The following SAE1 variants were observed in gnomAD, a reference collection of about 807,000 sequenced individuals.
The protein encoded by SAE1 is SUMO1 activating enzyme subunit 1, also known as SUMO-activating enzyme subunit 1.
Under a neutral mutation model 40.6 loss-of-function variants are expected in SAE1, and 11 were observed. The observed-to-expected ratio is 0.27, with a 90% CI of 0.17 to 0.45. SAE1 has a LOEUF of 0.45. Ranked by LOEUF, SAE1 falls within the 20% of genes least tolerant of loss-of-function variation. The probability of loss-of-function intolerance (pLI) is 1.00; values close to 1 mark genes in which losing one functional copy is unlikely to be tolerated. For missense variants in SAE1, 373 were observed against 427.3 expected (o/e 0.87, Z 1.12); for synonymous variants, 155 against 154.3 (o/e 1.00, Z -0.03).
rs2058243284 is a variant in SAE1 at position 47,144,596 on chromosome 19, G to A, written c.210+991G>A. Among the ~76,000 whole-genome samples the A allele has an allele frequency of 2.6e-5, 4 of 151,954 alleles. 1 individual carries two copies. In the South Asian group the frequency reaches 8.3e-4, roughly 32 times the overall value. On this transcript the variant is annotated intron_variant, in intron 2 of 8. Transcript: ENST00000270225. ...CGCCTGTGGTCCCAGCTACTCGGGA[G>A]GCTGAGGCAAGAGAATGGCGTGAAC...
chr19:47,160,057 CCTT>C (rs1226051687), intron 5 of SAE1, among the ~76,000 whole-genome samples: 1 of 152,100 alleles, frequency 6.6e-6, no homozygotes, highest in African/African-American at 2.4e-5. Flanking sequence ...AATGAATTAA[CCTT>C]CTAGTATATT....
chr19:47,209,073 T>G, intron 8 of SAE1, 86 bp from the exon 9 acceptor site: 1 of 1,351,860 alleles, frequency 7.4e-7, no homozygotes, highest in Non-Finnish European at 1.0e-6. Flanking sequence ...TAAGAACCAC[T>G]GCCCTAGACT....
chr19:47,169,257 G>GT (rs569205701), intron 5 of SAE1, among the ~76,000 whole-genome samples: 28 of 151,964 alleles, frequency 1.8e-4, no homozygotes, highest in Non-Finnish European at 3.5e-4. Flanking sequence ...TTTTGTTTTG[G>GT]TTTTTTTGAG....
chr19:47,161,285 A>G (rs761600713), intron 5 of SAE1, among the ~76,000 whole-genome samples: 1 of 150,550 alleles, frequency 6.6e-6, no homozygotes, highest in Non-Finnish European at 1.5e-5. Context: ...TGCTGAGATT[A>G]TAGGCATGAG....
At chr19:47,150,408 A>T (rs758793908) in intron 3 of SAE1, 33 bp downstream of exon 3, 2 of 1,531,214 alleles carry the variant, frequency 1.3e-6, no homozygotes, top group Non-Finnish European at 1.8e-6. Flanking sequence ...TGCTGTGGGA[A>T]TTAAACAAAT....
chr19:47,208,126 A>C (rs1213668393), intron 8 of SAE1, among the ~76,000 whole-genome samples: 2 of 152,188 alleles, frequency 1.3e-5, no homozygotes, highest in Non-Finnish European at 2.9e-5. Flanking sequence ...GTGTCCCCTT[A>C]GGTGATAAAG....
At position 47,173,786 on chromosome 19, in the gene SAE1, C is replaced by CTT. The variant is rs749843235; in HGVS notation, c.733+3878_733+3879dup. 5.1e-3 allele frequency among the ~76,000 whole-genome samples: 713 copies of CTT among 141,032 alleles called. 7 individuals are homozygous for CTT. The highest frequency in any genetic ancestry group is 0.017 in the African/African-American group (669 of 38,496). The allele number at this position is 141,032 out of a possible 152,430, so 92.5% of individuals were successfully genotyped here. ...TTGACTCCTTTCTTTTCTTTCTTTT[C>CTT]TTTTTTTTTTTTTTTTGAGACGGAG... On this transcript the variant is annotated intron_variant, in intron 6 of 8. Transcript: ENST00000270225.
At chr19:47,177,253 TA>T (rs1199454339) in intron 6 of SAE1, among the ~76,000 whole-genome samples, 2 of 152,224 alleles carry the variant, frequency 1.3e-5, no homozygotes, top group Admixed American at 1.3e-4. Context: ...AGGAATAGAA[TA>T]AGTGTTCTTG....
intron 2 of SAE1, among the ~76,000 whole-genome samples, chr19:47,145,227 C>G (rs548479630): frequency 6.6e-6 from 1 of 152,290 alleles, no homozygotes; most frequent in South Asian, 2.1e-4. Context: ...GTCTTGAACT[C>G]CGACCTCAGG....
At chr19:47,142,244 C>T (rs995344589) in intron 1 of SAE1, among the ~76,000 whole-genome samples, 9 of 151,858 alleles carry the variant, frequency 5.9e-5, no homozygotes, top group African/African-American at 1.7e-4. Flanking sequence ...ACTAGCCAGG[C>T]GTGACAGTAG....
intron 1 of SAE1, among the ~76,000 whole-genome samples, chr19:47,134,126 G>C (rs181558579): frequency 1.3e-5 from 2 of 152,238 alleles, no homozygotes; most frequent in East Asian, 3.9e-4. Context: ...CTCCCAAAGT[G>C]CTGGGATTAC....
intron 5 of SAE1, among the ~76,000 whole-genome samples, chr19:47,162,097 T>C (rs889730043): frequency 1.3e-5 from 2 of 152,256 alleles, no homozygotes; most frequent in African/African-American, 2.4e-5. Flanking sequence ...TAGCACAGAT[T>C]ACATTCTGTT....
At chr19:47,168,309 T>A (rs2058407952) in intron 5 of SAE1, among the ~76,000 whole-genome samples, 1 of 152,178 alleles carries the variant, frequency 6.6e-6, no homozygotes. Context: ...TATTTCAGTC[T>A]GTATTTTTTT....
intron 7 of SAE1, among the ~76,000 whole-genome samples, chr19:47,201,356 G>T (rs1390627117): frequency 4.7e-5 from 4 of 85,588 alleles, no homozygotes; most frequent in Non-Finnish European, 4.2e-5. Flanking sequence ...CTGTTATCTG[G>T]TTCCTTTTTT....
chr19:47,137,097 A>G (rs2058185010), intron 1 of SAE1, among the ~76,000 whole-genome samples: 1 of 152,104 alleles, frequency 6.6e-6, no homozygotes, highest in Non-Finnish European at 1.5e-5. Flanking sequence ...TTGTGGATTA[A>G]AAGAGAGTAA....
intron 7 of SAE1, among the ~76,000 whole-genome samples, chr19:47,203,264 G>A (rs990364138): frequency 6.6e-6 from 1 of 152,072 alleles, no homozygotes; most frequent in African/African-American, 2.4e-5. Flanking sequence ...GTTAACACAG[G>A]CCTGCTCCCT....
chr19:47,160,821 T>A (rs2058355407), intron 5 of SAE1, among the ~76,000 whole-genome samples: 1 of 152,024 alleles, frequency 6.6e-6, no homozygotes, highest in Non-Finnish European at 1.5e-5. Context: ...GAGCCACCAC[T>A]CCTGGCCAAT....
chr19:47,141,646 G>T (rs1477195517), intron 1 of SAE1, among the ~76,000 whole-genome samples: 1 of 152,056 alleles, frequency 6.6e-6, no homozygotes, highest in Non-Finnish European at 1.5e-5. Context: ...GGTTTTGAAG[G>T]GGAAAGGCGT....
intron 7 of SAE1, among the ~76,000 whole-genome samples, chr19:47,197,623 A>G (rs563486477): frequency 1.4e-4 from 21 of 152,316 alleles, no homozygotes; most frequent in Non-Finnish European, 2.8e-4. Flanking sequence ...GCAATGTAAG[A>G]TCTGTAAACA....
Sources: gnomAD v4.1 joint callset for allele counts (sites outside exome capture counted in the v4.1 genomes callset) on GRCh38, gnomAD v4.1.1 for gene constraint, MANE v1.5 for transcripts, NCBI Gene and HGNC (gene_info 2026-07-23, HGNC 2026-07-21) for gene names.